The following PSMA5 variants were observed in gnomAD, a reference collection of about 807,000 sequenced individuals.
PSMA5 encodes proteasome subunit alpha type-5.
PSMA5 carries 3 observed loss-of-function variants against 34.5 expected under a neutral mutation model. The ratio of observed to expected loss-of-function variants is 0.09; its 90% CI spans 0.04 to 0.22. The LOEUF (loss-of-function observed/expected upper bound fraction) is 0.22, where lower values mean the gene tolerates loss of function less well. Ranked by LOEUF, PSMA5 falls within the 10% of genes least tolerant of loss-of-function variation. The pLI, the probability that PSMA5 is intolerant of heterozygous loss-of-function variation, is 1.00. For missense variants in PSMA5, 120 were observed against 286.1 expected, an observed-to-expected ratio of 0.42 and a Z score of 4.19; for synonymous variants, 88 against 95.8, an observed-to-expected ratio of 0.92 and a Z score of 0.47.
At chr1:109,416,422 C>G (rs1654201828) in intron 2 of PSMA5, among the ~76,000 whole-genome samples, 1 of 152,232 alleles carries the variant, frequency 6.6e-6, no homozygotes. Flanking sequence ...TTATCTCCTA[C>G]CCTTGCACCC....
intron 8 of PSMA5, among the ~76,000 whole-genome samples, chr1:109,405,771 A>G (rs560208263): frequency 1.3e-5 from 2 of 152,300 alleles, no homozygotes; most frequent in Admixed American, 1.3e-4. Flanking sequence ...AACCATTAAG[A>G]TTAGATATAG....
chr1:109,405,918 T>C (rs527262762), intron 8 of PSMA5, among the ~76,000 whole-genome samples: 6 of 151,970 alleles, frequency 3.9e-5, no homozygotes, highest in African/African-American at 1.4e-4. Context: ...GCACTGGAAG[T>C]AGGGATGGAG....
intron 3 of PSMA5, among the ~76,000 whole-genome samples, chr1:109,414,357 T>C (rs1654112951): frequency 6.6e-6 from 1 of 152,252 alleles, no homozygotes. Flanking sequence ...ATTTCTTCCC[T>C]TGTACTCCTA....
rs761075591 is a variant in PSMA5 at position 109,415,378 on chromosome 1, G to A, written c.97-15C>T. On this transcript the variant is annotated splice_polypyrimidine_tract_variant and intron_variant, in intron 2 of 8. Transcript: ENST00000271308. The stretch of plus-strand genomic sequence containing the variant: ...GTAGAACCAAGCTAAAGAGAAACAT[G>A]TTATGATTACCATATATAGGTCAAA... The A allele has an allele frequency of 1.9e-6, 3 of 1,609,672 alleles. No homozygotes were observed. Among genetic ancestry groups the A allele is most frequent in the Non-Finnish European group, 2.5e-6 (3 of 1,177,614 alleles).
At chr1:109,410,542 A>G (rs1479731136) in intron 7 of PSMA5, among the ~76,000 whole-genome samples, 1 of 152,226 alleles carries the variant, frequency 6.6e-6, no homozygotes, top group Non-Finnish European at 1.5e-5. Context: ...CCAAAACCAA[A>G]TCTTCCCATC....
Position 109,426,437 on chromosome 1 carries a change from T to G in PSMA5, c.-107A>C. ...CAACTCACCCACACGGCCGCAGTAC[T>G]AAGGACCAACTGCGCGTGCGACCGC... On this transcript the variant is annotated 5_prime_UTR_variant, in exon 1 of 9. Coordinates refer to ENST00000271308, the MANE Select transcript of PSMA5 (RefSeq NM_002790.4). The G allele has an allele frequency of 7.0e-7, 1 of 1,424,192 alleles. No individual in the cohort carries two copies. Among genetic ancestry groups the G allele is most frequent in the Non-Finnish European group, 9.9e-7 (1 of 1,007,836 alleles). The allele number at this position is 1,424,192 out of a possible 1,614,324, so 88.2% of individuals were successfully genotyped here.
intron 1 of PSMA5, among the ~76,000 whole-genome samples, chr1:109,424,700 G>A (rs1654580695): frequency 1.3e-5 from 2 of 149,228 alleles, no homozygotes; most frequent in South Asian, 2.1e-4. Context: ...CTTAAACCCA[G>A]GCGGCAGGCC....
chr1:109,409,610 T>C (rs901300441), intron 8 of PSMA5, among the ~76,000 whole-genome samples: 5 of 152,130 alleles, frequency 3.3e-5, no homozygotes, highest in African/African-American at 1.2e-4. Flanking sequence ...AGCTATGATA[T>C]CTGAATAAAA....
At chr1:109,419,806 A>AAT (rs1654364950) in intron 2 of PSMA5, among the ~76,000 whole-genome samples, 1 of 84,256 alleles carries the variant, frequency 1.2e-5, no homozygotes, top group African/African-American at 3.2e-5. Flanking sequence ...CTCAAAAAAA[A>AAT]AAAAAAAAAA....
Position 109,426,338 on chromosome 1 carries a change from G to A in PSMA5, c.-8C>T. ...AGACCGGGTAAGAAACATGGCGAGG[G>A]TAGGAGGAGGCAGCGGCTACGCGGG... On this transcript the variant is annotated 5_prime_UTR_variant, in exon 1 of 9. Transcript: ENST00000271308. The A allele has an allele frequency of 6.2e-7, 1 of 1,614,004 alleles. No individual in the cohort carries two copies. Among genetic ancestry groups the A allele is most frequent in the Non-Finnish European group, 8.5e-7 (1 of 1,179,958 alleles).
At chr1:109,409,044 C>T (rs1653895037) in intron 8 of PSMA5, among the ~76,000 whole-genome samples, 1 of 152,090 alleles carries the variant, frequency 6.6e-6, no homozygotes. Context: ...GACTTTTCCA[C>T]ATCCTAAAAA....
rs1323738238 is a variant in PSMA5, at chr1:109,415,361, A to G, written c.99T>C (p.Leu33=). 1 of 1,612,298 alleles carries G rather than the reference A, an allele frequency of 6.2e-7. No individual in the cohort carries two copies. Among genetic ancestry groups the G allele is most frequent in the South Asian group, 1.1e-5 (1 of 90,832 alleles). The change falls in exon 3 of 9, where the codon CTT becomes CTC. Residue 33 remains leucine (L), a splice_region_variant and synonymous_variant. Transcript: ENST00000271308. The stretch of plus-strand genomic sequence containing the variant: ...TCTGGATCCCAATGGCTGTAGAACC[A>G]AGCTAAAGAGAAACATGTTATGATT... The part of the protein sequence containing the change: ...QVEYAIEAIK[L]GSTAIGIQTS...
At chr1:109,412,000 G>C in intron 5 of PSMA5, 65 bp from the exon 6 acceptor site, 1 of 1,582,820 alleles carries the variant, frequency 6.3e-7, no homozygotes, top group South Asian at 1.1e-5. Context: ...AGAGGGGCTG[G>C]GAATGTTATG....
chr1:109,402,059 T>C lies in PSMA5; in HGVS notation c.680A>G (p.His227Arg). 6.2e-7 allele frequency: 1 copy of C among 1,612,930 alleles called. No homozygotes were observed. Among genetic ancestry groups the C allele is most frequent in the Non-Finnish European group, 8.5e-7 (1 of 1,179,462 alleles). ...TTCAAGTTCTTCCTTTGTGAACATG[T>C]GGAAATTCTGGCCAGGCTGCACTGT... ...LATVQPGQNF[H>R]MFTKEELEEV... The change falls in exon 9 of 9, where the codon CAC becomes CGC. Residue 227 changes from histidine to arginine, a missense_variant. His to Arg is a conservative substitution (Grantham distance 29, BLOSUM62 0). Transcript: ENST00000271308.
At chr1:109,407,059 C>A (rs1266192272) in intron 8 of PSMA5, among the ~76,000 whole-genome samples, 1 of 152,150 alleles carries the variant, frequency 6.6e-6, no homozygotes, top group Non-Finnish European at 1.5e-5. Context: ...ATGATCTCGG[C>A]TCACTGCAAG....
At chr1:109,424,858 G>A (rs764306697) in intron 1 of PSMA5, among the ~76,000 whole-genome samples, 2 of 152,110 alleles carry the variant, frequency 1.3e-5, no homozygotes, top group African/African-American at 4.8e-5. Context: ...GTGGTGGCGC[G>A]CGCCTGTAGT....
chr1:109,421,517 AT>A (rs1459260375), intron 2 of PSMA5, among the ~76,000 whole-genome samples: 1 of 152,052 alleles, frequency 6.6e-6, no homozygotes, highest in Non-Finnish European at 1.5e-5. Flanking sequence ...CAGATACATG[AT>A]TTGCTAAAGA....
chr1:109,423,919 C>T (rs1382501539), intron 1 of PSMA5, among the ~76,000 whole-genome samples: 3 of 152,204 alleles, frequency 2.0e-5, no homozygotes, highest in Admixed American at 6.5e-5. Context: ...AGAAATAGGA[C>T]CCAAACTCCT....
chr1:109,424,158 T>C (rs959286674), intron 1 of PSMA5, among the ~76,000 whole-genome samples: 4 of 152,224 alleles, frequency 2.6e-5, no homozygotes, highest in Non-Finnish European at 4.4e-5. Context: ...AGTTTAAATG[T>C]CAGCTCCTTT....
Sources: allele counts gnomAD v4.1 joint callset (sites outside exome capture counted in the v4.1 genomes callset), GRCh38; gene constraint gnomAD v4.1.1; transcripts MANE v1.5; gene names NCBI Gene and HGNC (gene_info 2026-07-23, HGNC 2026-07-21).